The following AP1S3 variants were observed in gnomAD, a reference collection of about 807,000 sequenced individuals.
AP1S3 encodes adaptor related protein complex 1 subunit sigma 3.
Under a neutral mutation model 20.9 loss-of-function variants are expected in AP1S3, and 10 were observed. The ratio of observed to expected loss-of-function variants is 0.48; its 90% confidence interval spans 0.29 to 0.81. The LOEUF is 0.81. Ranked by LOEUF, AP1S3 falls within the 30% of genes least tolerant of loss-of-function variation. The probability of loss-of-function intolerance (pLI) is 0.08; values close to 1 mark genes in which losing one functional copy is unlikely to be tolerated. For missense variants in AP1S3, 154 were observed against 183.8 expected (o/e 0.84, Z 0.94); for synonymous variants, 41 against 61.5 (o/e 0.67, Z 1.56).
intron 1 of AP1S3, among the ~76,000 whole-genome samples, chr2:223,837,187 A>C (rs535492618): frequency 5.9e-5 from 9 of 151,400 alleles, no homozygotes; most frequent in African/African-American, 2.2e-4. Context: ...CAGACTAAGC[A>C]CTCGGCTAAG....
At chr2:223,837,231 G>C (rs756767368) in intron 1 of AP1S3, among the ~76,000 whole-genome samples, 37 of 151,430 alleles carry the variant, frequency 2.4e-4, no homozygotes, top group African/African-American at 4.6e-4. Context: ...CCGCGGCGCC[G>C]CGGCGCCGCG....
At chr2:223,811,220 G>A (rs1691717418) in intron 1 of AP1S3, among the ~76,000 whole-genome samples, 1 of 147,808 alleles carries the variant, frequency 6.8e-6, no homozygotes, top group South Asian at 2.2e-4. Context: ...AGCCTCCCAA[G>A]TACCTGAGAT....
At chr2:223,809,990 G>A (rs1323514463) in intron 1 of AP1S3, among the ~76,000 whole-genome samples, 4 of 152,014 alleles carry the variant, frequency 2.6e-5, no homozygotes, top group South Asian at 2.1e-4. Context: ...GCCTCCCAAA[G>A]TGCTGGGATT....
chr2:223,798,928 T>G lies in AP1S3; in HGVS notation c.4-21059A>C, dbSNP rs187322846. Among the ~76,000 whole-genome samples, 18 of 152,138 alleles carry G rather than the reference T, an allele frequency of 1.2e-4. No homozygotes were observed. In the East Asian group the frequency reaches 3.3e-3, roughly 28 times the overall value. ...CTCTACTAAAAATACAAAAATTAGCTGGGTGTGGTAGCTGGTACCTGTAAT... is the reference window on the plus strand; with the variant it reads ...CTCTACTAAAAATACAAAAATTAGCGGGGTGTGGTAGCTGGTACCTGTAAT... On this transcript the variant is annotated intron_variant, in intron 1 of 4. Transcript: ENST00000396654.
At chr2:223,837,004 G>A (rs1692417019) in intron 1 of AP1S3, among the ~76,000 whole-genome samples, 1 of 151,952 alleles carries the variant, frequency 6.6e-6, no homozygotes, top group South Asian at 2.1e-4. Context: ...CACTCCACCC[G>A]GTTGTATTTG....
rs185755199 is a variant in AP1S3 at position 223,810,483 on chromosome 2, A to G, written c.3+26965T>C. Among the ~76,000 whole-genome samples, 1,048 of 152,054 alleles carry G rather than the reference A, an allele frequency of 6.9e-3. 12 individuals carry two copies. Among genetic ancestry groups the G allele is most frequent in the African/African-American group, 0.024 (997 of 41,492 alleles). On this transcript the variant is annotated intron_variant, in intron 1 of 4. Coordinates refer to ENST00000396654, the MANE Select transcript of AP1S3 (RefSeq NM_001039569.2). ...GCCACCACACCAAGCTAATGTTTAT[A>G]TTTTTTGTAGAGACAGGGTTTTGCC...
chr2:223,823,452 T>C (rs1692041176), intron 1 of AP1S3, among the ~76,000 whole-genome samples: 1 of 152,158 alleles, frequency 6.6e-6, no homozygotes, highest in Non-Finnish European at 1.5e-5. Flanking sequence ...TGGATGAACC[T>C]GAAAGACATT....
intron 4 of AP1S3, among the ~76,000 whole-genome samples, chr2:223,760,572 G>A (rs986758450): frequency 1.3e-5 from 2 of 152,220 alleles, no homozygotes; most frequent in Non-Finnish European, 2.9e-5. Context: ...CCCCTCTACA[G>A]ATGCTGCCCG....
intron 1 of AP1S3, among the ~76,000 whole-genome samples, chr2:223,806,935 G>A (rs181119358): frequency 2.0e-5 from 3 of 151,916 alleles, no homozygotes; most frequent in Admixed American, 2.0e-4. Context: ...ATGCATTACT[G>A]TCATAATTTT....
intron 1 of AP1S3, among the ~76,000 whole-genome samples, chr2:223,804,384 T>A (rs1350910006): frequency 1.3e-5 from 2 of 152,156 alleles, no homozygotes; most frequent in Non-Finnish European, 2.9e-5. Context: ...GGTCATTGAT[T>A]ATAATGACAG....
chr2:223,812,016 C>G (rs1215558171), intron 1 of AP1S3, among the ~76,000 whole-genome samples: 1 of 152,156 alleles, frequency 6.6e-6, no homozygotes, highest in Admixed American at 6.6e-5. Context: ...GACGCTATGC[C>G]TTTATCCACA....
intron 4 of AP1S3, among the ~76,000 whole-genome samples, chr2:223,760,799 G>A (rs556257819): frequency 5.9e-5 from 9 of 152,320 alleles, no homozygotes; most frequent in South Asian, 2.1e-4. Flanking sequence ...TTATTTTCAC[G>A]AATTAATTGC....
In AP1S3 at chr2:223,755,585, C is replaced by T. The variant is rs1438660209; in HGVS notation, c.*3130G>A. Among the ~76,000 whole-genome samples, 2 of 139,810 alleles carry T rather than the reference C, an allele frequency of 1.4e-5. No homozygotes were observed. Among genetic ancestry groups the T allele is most frequent in the African/African-American group, 2.7e-5 (1 of 37,022 alleles). 91.7% of individuals were successfully genotyped at this position (139,810 alleles called of 152,430 possible). A position where few individuals can be genotyped will look rare whatever the true frequency, so the allele number is the denominator to read the frequency against. On this transcript the variant is annotated 3_prime_UTR_variant, in exon 5 of 5. Coordinates refer to ENST00000396654, the MANE Select transcript of AP1S3 (RefSeq NM_001039569.2). ...TCACTCTGTCACCCGGGCTGGAGTACAGTGGCGTGATCTCAGCTCACTGCA... is the reference window on the plus strand; with the variant it reads ...TCACTCTGTCACCCGGGCTGGAGTATAGTGGCGTGATCTCAGCTCACTGCA...
intron 1 of AP1S3, among the ~76,000 whole-genome samples, chr2:223,799,098 A>G (rs147674994): frequency 1.3e-5 from 2 of 152,140 alleles, no homozygotes; most frequent in African/African-American, 4.8e-5. Flanking sequence ...GAGGGAGATA[A>G]GAAATAGACA....
chr2:223,832,199 A>G (rs1692288521), intron 1 of AP1S3, among the ~76,000 whole-genome samples: 1 of 133,060 alleles, frequency 7.5e-6, no homozygotes, highest in Non-Finnish European at 1.6e-5. Flanking sequence ...AAGGGGAGTA[A>G]TTTTATCATT....
intron 1 of AP1S3, among the ~76,000 whole-genome samples, chr2:223,833,995 A>C (rs1692340321): frequency 6.6e-6 from 1 of 151,822 alleles, no homozygotes; most frequent in African/African-American, 2.4e-5. Context: ...CACAACCTCC[A>C]CCTCACGGGT....
At chr2:223,804,187 T>C (rs568087218) in intron 1 of AP1S3, among the ~76,000 whole-genome samples, 13 of 152,284 alleles carry the variant, frequency 8.5e-5, no homozygotes, top group African/African-American at 2.4e-4. Flanking sequence ...GTCCTACCCC[T>C]GGCTCCAGCA....
At position 223,785,201 on chromosome 2, in the gene AP1S3, G is replaced by A. The variant is rs1304654934; in HGVS notation, c.4-7332C>T. Among the ~76,000 whole-genome samples the A allele has an allele frequency of 2.0e-5, 3 of 152,094 alleles. No individual in the cohort carries two copies. In the East Asian group the frequency reaches 5.8e-4, roughly 29 times the overall value. Reference sequence around the variant, plus strand: ...ACTAAAAATACAAAAAATTAGCCGGGCGTGGTGGTGGACGCCTGTAATCCC... The same window carrying A: ...ACTAAAAATACAAAAAATTAGCCGGACGTGGTGGTGGACGCCTGTAATCCC... On this transcript the variant is annotated intron_variant, in intron 1 of 4. Transcript: ENST00000396654.
chr2:223,770,530 A>ACACACACC (rs529875245), intron 3 of AP1S3, among the ~76,000 whole-genome samples: 27 of 149,050 alleles, frequency 1.8e-4, no homozygotes, highest in Admixed American at 6.0e-4. Context: ...ACACACACAC[A>ACACACACC]CCCCTTGATA....
Sources: gnomAD v4.1 joint callset for allele counts (sites outside exome capture counted in the v4.1 genomes callset) on GRCh38, gnomAD v4.1.1 for gene constraint, MANE v1.5 for transcripts, NCBI Gene and HGNC (gene_info 2026-07-23, HGNC 2026-07-21) for gene names.